Variants in MAD1L1 observed in about 807,000 individuals in gnomAD.
MAD1L1 encodes mitotic spindle assembly checkpoint protein MAD1.
MAD1L1 carries 95 observed loss-of-function variants against 96.9 expected under a neutral mutation model. The observed-to-expected ratio is 0.98, with a 90% CI of 0.83 to 1.16. MAD1L1 has a LOEUF of 1.16. MAD1L1 is among the 50% of genes most tolerant of loss of function. The pLI, the probability that MAD1L1 is intolerant of heterozygous loss-of-function variation, is 0.00. For synonymous variants in MAD1L1, 473 were observed against 396.6 expected, an observed-to-expected ratio of 1.19 and a Z score of -2.29; for missense variants, 1,007 against 954.4, an observed-to-expected ratio of 1.06 and a Z score of -0.73.
At chr7:2,108,950 G>C (rs1787235466) in intron 11 of MAD1L1, among the ~76,000 whole-genome samples, 1 of 152,262 alleles carries the variant, frequency 6.6e-6, no homozygotes, top group Non-Finnish European at 1.5e-5. Context: ...GGGCTCGCAG[G>C]AAGAGCACGG....
At chr7:2,203,434 C>A (rs143012714) in intron 10 of MAD1L1, among the ~76,000 whole-genome samples, 4 of 152,362 alleles carry the variant, frequency 2.6e-5, no homozygotes, top group African/African-American at 9.6e-5. Context: ...GCACAGCACT[C>A]ATGCTTTTCG....
chr7:1,912,740 C>A (rs1230598199), intron 17 of MAD1L1, among the ~76,000 whole-genome samples: 2 of 152,216 alleles, frequency 1.3e-5, no homozygotes, highest in East Asian at 3.9e-4. Flanking sequence ...CAGAAACACT[C>A]CAGAGGGAGC....
chr7:2,191,343 G>A (rs1180677920), intron 10 of MAD1L1, among the ~76,000 whole-genome samples: 3 of 152,210 alleles, frequency 2.0e-5, no homozygotes, highest in Admixed American at 2.0e-4. Context: ...GGAAAAGTGG[G>A]ATTTCTCAAA....
At chr7:1,838,593 G>A (rs112364479) in intron 18 of MAD1L1, 4,741 of 367,732 alleles carry the variant, frequency 0.013, 58 homozygotes, top group Non-Finnish European at 0.021. Flanking sequence ...ACCACTCGCC[G>A]CTGAGCCCAT....
chr7:1,834,962 G>C (rs1583501729), intron 18 of MAD1L1, among the ~76,000 whole-genome samples: 1 of 152,160 alleles, frequency 6.6e-6, no homozygotes, highest in Non-Finnish European at 1.5e-5. Context: ...AGATAATGTA[G>C]TATGACTAAG....
At chr7:2,169,600 G>A (rs530540630) in intron 10 of MAD1L1, among the ~76,000 whole-genome samples, 55 of 152,348 alleles carry the variant, frequency 3.6e-4, no homozygotes, top group African/African-American at 1.2e-3. Context: ...TCCGCGCTGC[G>A]TGCAATTAAC....
chr7:1,936,521 G>A (rs955531373), intron 17 of MAD1L1, among the ~76,000 whole-genome samples, 166 bp downstream of exon 17: 3 of 152,226 alleles, frequency 2.0e-5, no homozygotes, highest in Admixed American at 2.0e-4. Flanking sequence ...GGGACACGGG[G>A]CCAGGGTGCT....
intron 5 of MAD1L1, 49 bp downstream of exon 5, chr7:2,222,526 T>A (rs1562386745): frequency 2.0e-6 from 3 of 1,487,318 alleles, no homozygotes; most frequent in Non-Finnish European, 2.7e-6. Flanking sequence ...GAGCATGCAC[T>A]CCCTCTCCTC....
intron 18 of MAD1L1, among the ~76,000 whole-genome samples, chr7:1,890,216 C>T (rs1583672276): frequency 6.6e-6 from 1 of 152,342 alleles, no homozygotes; most frequent in African/African-American, 2.4e-5. Flanking sequence ...ACTGTTGGTA[C>T]GTCCCTGACA....
chr7:1,934,863 G>A (rs1228871961), intron 17 of MAD1L1, among the ~76,000 whole-genome samples: 1 of 151,748 alleles, frequency 6.6e-6, no homozygotes, highest in Non-Finnish European at 1.5e-5. Context: ...CAGACAACAG[G>A]TGAACGAACA....
intron 12 of MAD1L1, among the ~76,000 whole-genome samples, chr7:2,051,037 G>A (rs992429032): frequency 9.2e-5 from 14 of 152,182 alleles, no homozygotes; most frequent in Admixed American, 6.5e-4. Flanking sequence ...GGATTTCTTC[G>A]AAACTGAGTT....
intron 14 of MAD1L1, among the ~76,000 whole-genome samples, chr7:1,994,070 C>G (rs1291874874): frequency 6.6e-6 from 1 of 152,226 alleles, no homozygotes; most frequent in Non-Finnish European, 1.5e-5. Context: ...GTCACTAATC[C>G]TGGCTGCCCC....
chr7:1,933,269 T>G (rs1360055185), intron 17 of MAD1L1, among the ~76,000 whole-genome samples: 1 of 152,146 alleles, frequency 6.6e-6, no homozygotes. Flanking sequence ...CTGCCACGGT[T>G]TTCCCCAGGG....
Position 1,985,446 on chromosome 7 carries a change from G to A in MAD1L1, c.1417-4905C>T, listed in dbSNP as rs78728110. 5.3e-3 allele frequency among the ~76,000 whole-genome samples: 631 copies of A among 119,264 alleles called. 1 individual carries two copies. The highest frequency in any genetic ancestry group is 8.7e-3 in the Non-Finnish European group (465 of 53,690). 78.2% of individuals were successfully genotyped at this position (119,264 alleles called of 152,430 possible). Reference sequence around the variant, plus strand: ...GGATCCTGGCTCCATGGCCAAGAGCGAGGGCCTCACAGTCACTCTCTCGGG... The same window carrying A: ...GGATCCTGGCTCCATGGCCAAGAGCAAGGGCCTCACAGTCACTCTCTCGGG... On this transcript the variant is annotated intron_variant, in intron 14 of 18. Transcript: ENST00000265854.
chr7:2,107,976 A>T (rs898320942), intron 11 of MAD1L1, among the ~76,000 whole-genome samples: 4 of 150,548 alleles, frequency 2.7e-5, no homozygotes, highest in African/African-American at 9.7e-5. Context: ...AGACACCGGC[A>T]CCCCCCCACC....
chr7:1,855,186 C>T (rs1382255360), intron 18 of MAD1L1, among the ~76,000 whole-genome samples: 3 of 152,134 alleles, frequency 2.0e-5, no homozygotes, highest in Non-Finnish European at 4.4e-5. Flanking sequence ...TCATCCTTCC[C>T]GTCTCCCTCC....
At chr7:2,177,343 T>C (rs1790994610) in intron 10 of MAD1L1, among the ~76,000 whole-genome samples, 1 of 152,272 alleles carries the variant, frequency 6.6e-6, no homozygotes, top group Admixed American at 6.5e-5. Context: ...CATGAGGTTT[T>C]ATGAAATTAA....
chr7:2,040,138 T>C (rs1207382171), intron 12 of MAD1L1, among the ~76,000 whole-genome samples: 1 of 152,186 alleles, frequency 6.6e-6, no homozygotes, highest in African/African-American at 2.4e-5. Context: ...AACAGCTGCA[T>C]GCCGAAAATT....
At chr7:1,912,809 C>A (rs555580044) in intron 17 of MAD1L1, among the ~76,000 whole-genome samples, 1 of 152,358 alleles carries the variant, frequency 6.6e-6, no homozygotes, top group South Asian at 2.1e-4. Flanking sequence ...ACGGCCACCT[C>A]ATCTGTTTCC....
Sources: allele counts gnomAD v4.1 joint callset (sites outside exome capture counted in the v4.1 genomes callset), GRCh38; gene constraint gnomAD v4.1.1; transcripts MANE v1.5; gene names NCBI Gene and HGNC (gene_info 2026-07-23, HGNC 2026-07-21).